The following AFF3 variants were observed in gnomAD, a reference collection of about 807,000 sequenced individuals.
AFF3 encodes the protein AF4/FMR2 family member 3.
A neutral mutation model predicts 129.7 loss-of-function variants in AFF3; 32 were observed. The observed-to-expected ratio is 0.25, with a 90% CI of 0.19 to 0.33. The LOEUF (loss-of-function observed/expected upper bound fraction) is 0.33. Ranked by LOEUF, AFF3 falls within the 10% of genes least tolerant of loss-of-function variation. The probability of loss-of-function intolerance (pLI) is 1.00; values close to 1 mark genes in which losing one functional copy is unlikely to be tolerated. For missense variants in AFF3, 1,373 were observed against 1,592.0 expected (o/e 0.86, Z 2.34); for synonymous variants, 644 against 635.4 (o/e 1.01, Z -0.20).
chr2:100,011,482 T>C (rs1035067973), intron 4 of AFF3: 2 of 780,854 alleles, frequency 2.6e-6, no homozygotes, highest in East Asian at 2.4e-5. Context: ...AAGGCCCCCA[T>C]GCCCAAAATA....
intron 7 of AFF3, among the ~76,000 whole-genome samples, chr2:99,996,173 A>C (rs1680814416): frequency 1.3e-5 from 2 of 152,232 alleles, no homozygotes; most frequent in African/African-American, 4.8e-5. Context: ...GAACCACTAA[A>C]GACCAAGTAT....
At chr2:99,773,714 G>A (rs1683673839) in intron 8 of AFF3, among the ~76,000 whole-genome samples, 1 of 152,156 alleles carries the variant, frequency 6.6e-6, no homozygotes, top group Non-Finnish European at 1.5e-5. Context: ...ACATAGTATT[G>A]GAAGTTCTGG....
At chr2:99,554,582 G>A (rs367758847) in intron 23 of AFF3, 48 bp from the exon 24 acceptor site, 1 of 1,608,134 alleles carries the variant, frequency 6.2e-7, no homozygotes, top group South Asian at 1.1e-5. Flanking sequence ...TCGGGAGCAA[G>A]CGAGGCAGGG....
At chr2:99,641,881 A>G (rs4851218) in intron 13 of AFF3, among the ~76,000 whole-genome samples, 91,113 of 151,974 alleles carry the variant, frequency 0.6, 27,796 homozygotes, top group East Asian at 0.82. Flanking sequence ...TGTGTATGCC[A>G]GCGTTGTGGT....
chr2:99,723,891 G>C (rs1046770888), intron 11 of AFF3, among the ~76,000 whole-genome samples: 2 of 152,158 alleles, frequency 1.3e-5, no homozygotes, highest in Admixed American at 1.3e-4. Flanking sequence ...GACATGCACA[G>C]AGAGACGATG....
At chr2:99,944,244 T>C (rs1675343626) in intron 7 of AFF3, among the ~76,000 whole-genome samples, 1 of 152,212 alleles carries the variant, frequency 6.6e-6, no homozygotes, top group African/African-American at 2.4e-5. Context: ...TCTGACCAAG[T>C]ACGGCCTATC....
chr2:99,887,543 CATT>C (rs1255475083), intron 7 of AFF3, among the ~76,000 whole-genome samples: 1 of 152,188 alleles, frequency 6.6e-6, no homozygotes, highest in African/African-American at 2.4e-5. Context: ...GTAGTTATCA[CATT>C]ATATTGTAAT....
intron 7 of AFF3, among the ~76,000 whole-genome samples, chr2:99,920,101 G>A (rs1221383323): frequency 6.6e-6 from 1 of 151,864 alleles, no homozygotes; most frequent in Non-Finnish European, 1.5e-5. Flanking sequence ...AAAACTCTAG[G>A]ACTAAATGTC....
At chr2:100,023,814 A>G (rs1441924189) in intron 4 of AFF3, among the ~76,000 whole-genome samples, 2 of 152,264 alleles carry the variant, frequency 1.3e-5, no homozygotes, top group Admixed American at 6.5e-5. Flanking sequence ...GACGACTAAC[A>G]TAGCCACCAT....
At chr2:99,769,993 A>T (rs1014994259) in intron 8 of AFF3, among the ~76,000 whole-genome samples, 1 of 152,206 alleles carries the variant, frequency 6.6e-6, no homozygotes, top group Non-Finnish European at 1.5e-5. Context: ...CTCCCTGGCT[A>T]CAGCCTGTAT....
chr2:100,099,340 C>T (rs1690539399), intron 4 of AFF3, among the ~76,000 whole-genome samples: 1 of 152,168 alleles, frequency 6.6e-6, no homozygotes, highest in African/African-American at 2.4e-5. Flanking sequence ...TGGAGGAAGC[C>T]GCCCACTGGC....
At chr2:100,079,142 T>C (rs2105345147) in intron 4 of AFF3, among the ~76,000 whole-genome samples, 1 of 152,160 alleles carries the variant, frequency 6.6e-6, no homozygotes. Context: ...GAGACGGAGT[T>C]TCACCGTATT....
chr2:100,000,924 A>G (rs1259620739), intron 7 of AFF3, among the ~76,000 whole-genome samples: 1 of 152,224 alleles, frequency 6.6e-6, no homozygotes, highest in Non-Finnish European at 1.5e-5. Context: ...GATGAAAGAC[A>G]CAAGCTTTTC....
intron 7 of AFF3, among the ~76,000 whole-genome samples, chr2:99,987,306 C>A (rs543417983): frequency 1.7e-4 from 26 of 152,298 alleles, no homozygotes; most frequent in Non-Finnish European, 3.4e-4. Flanking sequence ...AAGCGAAAGT[C>A]ATAGACGATG....
chr2:99,594,364 A>G (rs1489395322), intron 14 of AFF3, 75 bp from the exon 15 acceptor site: 11 of 1,521,590 alleles, frequency 7.2e-6, no homozygotes, highest in Non-Finnish European at 9.7e-6. Flanking sequence ...GGCTGTTTTT[A>G]TCTTGACTTA....
chr2:99,872,092 G>T lies in AFF3; in HGVS notation c.874-34568C>A, dbSNP rs180848597. ...GTGGTGGTGGGCGCCTGTAGTCCCA[G>T]CTACTCGGGAGGCTGAGGCAGGAGA... On this transcript the variant is annotated intron_variant, in intron 7 of 24. Transcript: ENST00000672756. Among the ~76,000 whole-genome samples, 13 of 150,820 alleles carry T rather than the reference G, an allele frequency of 8.6e-5. 1 individual carries two copies. The East Asian group carries it at 2.3e-3, about 27-fold the overall frequency.
intron 13 of AFF3, among the ~76,000 whole-genome samples, chr2:99,633,909 C>CTTTTTTTTTTTTTTT (rs139661861): frequency 8.6e-6 from 1 of 116,422 alleles, no homozygotes; most frequent in Non-Finnish European, 1.7e-5. Flanking sequence ...TTCTTCCTTC[C>CTTTTTTTTTTTTTTT]TTTTTTTTTT....
intron 13 of AFF3, among the ~76,000 whole-genome samples, chr2:99,636,574 A>C (rs1045830911): frequency 1.3e-5 from 2 of 152,198 alleles, no homozygotes; most frequent in Non-Finnish European, 2.9e-5. Flanking sequence ...ACAATTACAT[A>C]GAGGAAGTCT....
chr2:99,750,499 C>T (rs1475825454), intron 9 of AFF3, among the ~76,000 whole-genome samples: 1 of 150,022 alleles, frequency 6.7e-6, no homozygotes, highest in Non-Finnish European at 1.5e-5. Context: ...ACTGTAGCCT[C>T]GACCTCCTGG....
Sources: allele counts gnomAD v4.1 joint callset (sites outside exome capture counted in the v4.1 genomes callset), GRCh38; gene constraint gnomAD v4.1.1; transcripts MANE v1.5; gene names NCBI Gene and HGNC (gene_info 2026-07-23, HGNC 2026-07-21).